The following CNKSR3 variants were observed in gnomAD, a reference collection of about 807,000 sequenced individuals.
CNKSR3 encodes the protein connector enhancer of kinase suppressor of ras 3.
CNKSR3 carries 36 observed loss-of-function variants against 67.7 expected under a neutral mutation model. That is an observed-to-expected ratio of 0.53 (90% CI 0.41 to 0.70). The LOEUF is 0.70. CNKSR3 is among the 30% of genes least tolerant of loss of function. The probability of loss-of-function intolerance (pLI) is 0.00; values close to 1 mark genes in which losing one functional copy is unlikely to be tolerated. For synonymous variants in CNKSR3, 281 were observed against 271.4 expected (o/e 1.04, Z -0.35); for missense variants, 630 against 695.2 (o/e 0.91, Z 1.05).
intron 5 of CNKSR3, among the ~76,000 whole-genome samples, chr6:154,431,708 G>C (rs988154142): frequency 4.6e-5 from 7 of 151,914 alleles, no homozygotes; most frequent in African/African-American, 1.5e-4. Flanking sequence ...TCTTTTTACT[G>C]TCTCTGTGGT....
chr6:154,440,394 C>A (rs1285687420), intron 4 of CNKSR3, among the ~76,000 whole-genome samples: 1 of 152,200 alleles, frequency 6.6e-6, no homozygotes, highest in East Asian at 1.9e-4. Context: ...AAACAACAAG[C>A]TCTTCCTTAC....
chr6:154,406,660 C>T lies in CNKSR3; in HGVS notation c.1370-8G>A, dbSNP rs1307926627. 1.9e-6 allele frequency: 3 copies of T among 1,606,138 alleles called. No individual in the cohort carries two copies. The highest frequency in any genetic ancestry group is 1.1e-5 in the South Asian group (1 of 90,336). Reference sequence around the variant, plus strand: ...GGCAAAGGGCATCCTCCCCTGTTTCCAGACAAAGTCCATTAAGTCACAATC... The same window carrying T: ...GGCAAAGGGCATCCTCCCCTGTTTCTAGACAAAGTCCATTAAGTCACAATC... On this transcript the variant is annotated splice_region_variant and splice_polypyrimidine_tract_variant and intron_variant, in intron 12 of 12. Transcript: ENST00000607772.
intron 3 of CNKSR3, 34 bp from the exon 4 acceptor site, chr6:154,441,413 T>C (rs1582862940): frequency 6.6e-7 from 1 of 1,518,088 alleles, no homozygotes; most frequent in African/African-American, 1.4e-5. Context: ...TAAAAAGGGG[T>C]AGGGAGAATC....
intron 5 of CNKSR3, among the ~76,000 whole-genome samples, chr6:154,431,950 T>C (rs140083484): frequency 2.6e-5 from 4 of 152,354 alleles, no homozygotes; most frequent in African/African-American, 9.6e-5. Flanking sequence ...TTTGGCAATT[T>C]TGAGTAAATC....
In CNKSR3 at chr6:154,405,717, C is replaced by T. The variant is rs1784773988; in HGVS notation, c.*637G>A. Reference sequence around the variant, plus strand: ...TAAACTTCTTTGTGTGAAATAAGCCCTATCAAAATGTGTTCATGTATTTCT... The same window carrying T: ...TAAACTTCTTTGTGTGAAATAAGCCTTATCAAAATGTGTTCATGTATTTCT... On this transcript the variant is annotated 3_prime_UTR_variant, in exon 13 of 13. Transcript: ENST00000607772. 1 of 152,204 alleles carries T rather than the reference C, an allele frequency of 6.6e-6. No individual in the cohort carries two copies. The highest frequency in any genetic ancestry group is 1.5e-5 in the Non-Finnish European group (1 of 68,084). The allele number at this position is 152,204 out of a possible 1,614,324, so 9.4% of individuals were successfully genotyped here. A position where few individuals can be genotyped will look rare whatever the true frequency, so the allele number is the denominator to read the frequency against.
chr6:154,415,591 G>A (rs993175806), intron 9 of CNKSR3, among the ~76,000 whole-genome samples: 5 of 152,144 alleles, frequency 3.3e-5, no homozygotes, highest in Admixed American at 1.3e-4. Context: ...TCTATAAAAT[G>A]AGAATAAATA....
chr6:154,473,972 A>G (rs1469024836), intron 1 of CNKSR3, among the ~76,000 whole-genome samples: 1 of 151,234 alleles, frequency 6.6e-6, no homozygotes, highest in Non-Finnish European at 1.5e-5. Flanking sequence ...TTTAGTATAG[A>G]CGGGGTTTCA....
At chr6:154,440,697 A>G (rs183764854) in intron 4 of CNKSR3, among the ~76,000 whole-genome samples, 17 of 152,312 alleles carry the variant, frequency 1.1e-4, no homozygotes, top group Admixed American at 2.6e-4. Flanking sequence ...GCCTTGGGGA[A>G]AGGCAACATG....
intron 2 of CNKSR3, among the ~76,000 whole-genome samples, chr6:154,445,432 A>C (rs1455578335): frequency 6.6e-6 from 1 of 152,228 alleles, no homozygotes; most frequent in Non-Finnish European, 1.5e-5. Flanking sequence ...AGAGGCCACA[A>C]GACAGAGCTT....
At chr6:154,437,146 G>A (rs1785487605) in intron 4 of CNKSR3, among the ~76,000 whole-genome samples, 1 of 152,072 alleles carries the variant, frequency 6.6e-6, no homozygotes, top group African/African-American at 2.4e-5. Flanking sequence ...TCACTGGAAA[G>A]AGATACAACT....
At position 154,400,649 on chromosome 6, in the gene CNKSR3, A is replaced by G. The variant is rs773954152; in HGVS notation, c.*5705T>C. 1 of 152,218 alleles carries G rather than the reference A, an allele frequency of 6.6e-6. No individual in the cohort carries two copies. The highest frequency in any genetic ancestry group is 2.1e-4 in the South Asian group (1 of 4,832). The allele number at this position is 152,218 out of a possible 1,614,324, so 9.4% of individuals were successfully genotyped here. A position where few individuals can be genotyped will look rare whatever the true frequency, so the allele number is the denominator to read the frequency against. On this transcript the variant is annotated 3_prime_UTR_variant, in exon 13 of 13. Coordinates refer to ENST00000607772, the MANE Select transcript of CNKSR3 (RefSeq NM_173515.4). ...TATAAAAAATTTGTCTTTTACATAC[A>G]CAAATGCACACATATATAGGGTTTG...
chr6:154,486,091 G>C (rs528958031), intron 1 of CNKSR3, among the ~76,000 whole-genome samples: 2 of 152,192 alleles, frequency 1.3e-5, no homozygotes, highest in Admixed American at 6.5e-5. Flanking sequence ...TAAAACAAGA[G>C]ATATGGCCTT....
chr6:154,499,765 C>T (rs1786946022), intron 1 of CNKSR3, among the ~76,000 whole-genome samples: 1 of 152,112 alleles, frequency 6.6e-6, no homozygotes, highest in African/African-American at 2.4e-5. Flanking sequence ...CCACTATGCC[C>T]GGCCTGTCCA....
intron 12 of CNKSR3, among the ~76,000 whole-genome samples, chr6:154,408,292 G>A (rs1219237988): frequency 6.6e-6 from 1 of 152,024 alleles, no homozygotes; most frequent in Non-Finnish European, 1.5e-5. Context: ...CAAAGTGCTG[G>A]GATTACAGGT....
At chr6:154,418,567 T>C (rs1008737190) in intron 9 of CNKSR3, among the ~76,000 whole-genome samples, 3 of 152,186 alleles carry the variant, frequency 2.0e-5, no homozygotes, top group African/African-American at 7.2e-5. Flanking sequence ...ATTTATCTTA[T>C]GCAACAATTA....
At chr6:154,450,717 G>A (rs959993395) in intron 1 of CNKSR3, among the ~76,000 whole-genome samples, 2 of 152,172 alleles carry the variant, frequency 1.3e-5, no homozygotes, top group Non-Finnish European at 2.9e-5. Flanking sequence ...CCAGTCACAG[G>A]TTTAGGGATG....
intron 1 of CNKSR3, among the ~76,000 whole-genome samples, chr6:154,454,065 C>T (rs1228862529): frequency 1.6e-5 from 2 of 124,326 alleles, no homozygotes. Context: ...TCAAGGAAAT[C>T]CCAAATGCAA....
At chr6:154,446,206 A>G (rs1489427877) in intron 2 of CNKSR3, among the ~76,000 whole-genome samples, 1 of 152,200 alleles carries the variant, frequency 6.6e-6, no homozygotes, top group Non-Finnish European at 1.5e-5. Flanking sequence ...TGGCTAGAGA[A>G]ACCATACACT....
chr6:154,491,676 GA>G (rs545574005), intron 1 of CNKSR3, among the ~76,000 whole-genome samples: 9,238 of 145,900 alleles, frequency 0.063, 760 homozygotes, highest in African/African-American at 0.19. Flanking sequence ...AAAACAATGT[GA>G]AAAAAAAAAA....
Sources: allele counts gnomAD v4.1 joint callset (sites outside exome capture counted in the v4.1 genomes callset), GRCh38; gene constraint gnomAD v4.1.1; transcripts MANE v1.5; gene names NCBI Gene and HGNC (gene_info 2026-07-23, HGNC 2026-07-21).